Variants in EML1 observed in about 807,000 individuals in gnomAD.
EML1 encodes the protein EMAP like 1.
In EML1, 27 loss-of-function variants were observed where a neutral mutation model predicts 110.4. The ratio of observed to expected loss-of-function variants is 0.24; its 90% CI spans 0.18 to 0.34. The LOEUF is 0.34. Among genes scored for constraint, EML1 ranks in the 10% least tolerant of loss-of-function variants. The pLI is 1.00. For synonymous variants in EML1, 344 were observed against 385.8 expected (o/e 0.89, Z 1.27); for missense variants, 741 against 1,030.9 (o/e 0.72, Z 3.85).
chr14:99,773,439 A>T (rs1334914092), exon 1 of EML1: 3 of 152,314 alleles, frequency 2.0e-5, no homozygotes, highest in Non-Finnish European at 4.4e-5. Context: ...GAGGTCCCAG[A>T]ATCTACCTGC....
chr14:99,891,156 C>T (rs367627668), intron 4 of EML1, 43 bp from the exon 5 acceptor site: 1 of 1,613,720 alleles, frequency 6.2e-7, no homozygotes, highest in Non-Finnish European at 8.5e-7. Context: ...AGATGAAACA[C>T]CCACAGCACC....
At chr14:99,794,231 C>T (rs765171082) in intron 1 of EML1, among the ~76,000 whole-genome samples, 64 of 152,064 alleles carry the variant, frequency 4.2e-4, no homozygotes, top group Non-Finnish European at 2.2e-4. Context: ...ATCCTACATG[C>T]TTGAAAGATT....
chr14:99,745,825 G>A (rs1259372473), intron 1 of EML1, among the ~76,000 whole-genome samples: 1 of 152,218 alleles, frequency 6.6e-6, no homozygotes, highest in Non-Finnish European at 1.5e-5. Flanking sequence ...CTCATAGTCT[G>A]AGTTAACCTC....
intron 1 of EML1, among the ~76,000 whole-genome samples, chr14:99,760,731 G>A (rs931707960): frequency 8.5e-5 from 13 of 152,088 alleles, no homozygotes; most frequent in African/African-American, 1.7e-4. Context: ...TCTCAGTCTC[G>A]TCAAGTAAGC....
At chr14:99,832,175 G>T (rs978797780) in intron 1 of EML1, among the ~76,000 whole-genome samples, 3 of 152,128 alleles carry the variant, frequency 2.0e-5, no homozygotes, top group Non-Finnish European at 2.9e-5. Context: ...GCACAATTTT[G>T]ATATTCATCC....
chr14:99,837,810 T>C (rs140235850), intron 1 of EML1, among the ~76,000 whole-genome samples: 2 of 152,302 alleles, frequency 1.3e-5, no homozygotes, highest in Non-Finnish European at 2.9e-5. Context: ...TTTGTTGTTT[T>C]ATTGTTTTTG....
At chr14:99,754,946 T>A (rs1241350544) in intron 1 of EML1, among the ~76,000 whole-genome samples, 2 of 152,120 alleles carry the variant, frequency 1.3e-5, no homozygotes, top group Non-Finnish European at 2.9e-5. Context: ...AGGGGACAGG[T>A]GGCCGTGAGG....
At chr14:99,893,346 C>A (rs1476916865) in intron 5 of EML1, among the ~76,000 whole-genome samples, 2 of 152,008 alleles carry the variant, frequency 1.3e-5, no homozygotes, top group African/African-American at 4.8e-5. Context: ...GTGATGGGGC[C>A]CCAGTGCACC....
chr14:99,936,846 G>A lies in EML1; in HGVS notation c.2095+512G>A, dbSNP rs567750518. Among the ~76,000 whole-genome samples the A allele has an allele frequency of 6.6e-6, 1 of 152,290 alleles. No homozygotes were observed. Among genetic ancestry groups the A allele is most frequent in the African/African-American group, 2.4e-5 (1 of 41,554 alleles). On this transcript the variant is annotated intron_variant, in intron 19 of 21. Transcript: ENST00000262233. The surrounding 1 kb of genome is among the most constrained non-coding windows in gnomAD (Gnocchi z 5.5). The stretch of plus-strand genomic sequence containing the variant: ...TGGGAACAGCGAGGATGATCGTGGC[G>A]GGCACTTACAAGCACATCCTCATGC...
chr14:99,924,515 A>C (rs2060198406), intron 17 of EML1, among the ~76,000 whole-genome samples: 1 of 152,246 alleles, frequency 6.6e-6, no homozygotes, highest in Admixed American at 6.5e-5. Context: ...CAATATAACA[A>C]TATATTGTAA....
chr14:99,874,380 G>C (rs2059254777), intron 3 of EML1, among the ~76,000 whole-genome samples: 2 of 152,190 alleles, frequency 1.3e-5, no homozygotes, highest in Admixed American at 6.5e-5. Context: ...CTTGCCTTAA[G>C]CACTAAAAAA....
intron 1 of EML1, among the ~76,000 whole-genome samples, chr14:99,783,180 C>T (rs2057560865): frequency 7.6e-6 from 1 of 131,884 alleles, no homozygotes; most frequent in Non-Finnish European, 1.6e-5. Flanking sequence ...TGTGATGTTC[C>T]CCTTCCTGTG....
Position 99,920,845 on chromosome 14 carries a change from A to T in EML1, c.1877A>T (p.Asn626Ile), listed in dbSNP as rs755817038. 2 of 1,613,956 alleles carry T rather than the reference A, an allele frequency of 1.2e-6. No individual in the cohort carries two copies. Among genetic ancestry groups the T allele is most frequent in the Non-Finnish European group, 1.7e-6 (2 of 1,179,962 alleles). ...KDLVTVHTDG[N>I]EQLSVMRYSP... ...TTGGTCACCGTTCACACAGATGGAA[A>T]CGAACAGCTCTCTGTAATGCGATAC... The change falls in exon 17 of 22, where the codon AAC becomes ATC. Residue 626 changes from asparagine (N) to isoleucine (I), a missense_variant. By Grantham distance (149) the Asn-to-Ile change is moderately radical. Transcript: ENST00000262233.
chr14:99,799,676 G>T (rs1447738596), intron 1 of EML1, among the ~76,000 whole-genome samples: 1 of 152,116 alleles, frequency 6.6e-6, no homozygotes, highest in Non-Finnish European at 1.5e-5. Context: ...GCATTTTGGT[G>T]GAAAAAAATC....
chr14:99,876,597 G>A lies in EML1; in HGVS notation c.384-1888G>A, dbSNP rs559488257. On this transcript the variant is annotated intron_variant, in intron 3 of 21. Coordinates refer to ENST00000262233, the MANE Select transcript of EML1 (RefSeq NM_004434.3). ...TCCCTCGGTGATTTCCTCTGCATCCGTGGCTCAGCACCCGCCAGATGGATA... is the reference window on the plus strand; with the variant it reads ...TCCCTCGGTGATTTCCTCTGCATCCATGGCTCAGCACCCGCCAGATGGATA... Among the ~76,000 whole-genome samples the A allele has an allele frequency of 4.6e-5, 7 of 152,162 alleles. No homozygotes were observed. In the South Asian group the frequency reaches 6.2e-4, roughly 14 times the overall value.
At chr14:99,809,704 G>A (rs943810967) in intron 1 of EML1, 1 of 456,128 alleles carries the variant, frequency 2.2e-6, no homozygotes. Context: ...TTGCTAGTTG[G>A]ATTTGGCCTG....
At chr14:99,849,846 C>A (rs1485964597) in intron 1 of EML1, among the ~76,000 whole-genome samples, 1 of 151,902 alleles carries the variant, frequency 6.6e-6, no homozygotes, top group Non-Finnish European at 1.5e-5. Context: ...CGGCACCTGG[C>A]CTGTAATTGT....
intron 1 of EML1, among the ~76,000 whole-genome samples, chr14:99,787,433 C>T (rs2057613688): frequency 6.6e-6 from 1 of 151,944 alleles, no homozygotes; most frequent in East Asian, 1.9e-4. Flanking sequence ...CACCTGCCAC[C>T]ATGCCTGTCT....
At chr14:99,899,122 A>G (rs1025143692) in intron 8 of EML1, among the ~76,000 whole-genome samples, 1 of 152,112 alleles carries the variant, frequency 6.6e-6, no homozygotes, top group Non-Finnish European at 1.5e-5. Context: ...TTAAGGCGTT[A>G]GAGAGGGAGC....
Sources: allele counts gnomAD v4.1 joint callset (sites outside exome capture counted in the v4.1 genomes callset), GRCh38; gene constraint gnomAD v4.1.1; non-coding constraint Gnocchi (gnomAD v3.1); transcripts MANE v1.5; gene names NCBI Gene and HGNC (gene_info 2026-07-23, HGNC 2026-07-21).